DOCK4: variants seen among roughly 807,000 people sequenced by gnomAD.
DOCK4 encodes the protein dedicator of cytokinesis protein 4.
DOCK4 carries 97 observed loss-of-function variants against 268.1 expected under a neutral mutation model. The observed-to-expected ratio is 0.36, with a 90% CI of 0.31 to 0.43. The LOEUF is 0.43. Among genes scored for constraint, DOCK4 ranks in the 20% least tolerant of loss-of-function variants. DOCK4 has a pLI of 1.00. For synonymous variants in DOCK4, 954 were observed against 887.2 expected (o/e 1.08, Z -1.34); for missense variants, 2,145 against 2,455.7 (o/e 0.87, Z 2.67).
intron 1 of DOCK4, among the ~76,000 whole-genome samples, chr7:112,052,245 G>A (rs547159980): frequency 6.6e-6 from 1 of 152,068 alleles, no homozygotes; most frequent in African/African-American, 2.4e-5. Context: ...CCATGAATGT[G>A]GAACCAATGG....
At chr7:112,053,709 T>C (rs1403050838) in intron 1 of DOCK4, among the ~76,000 whole-genome samples, 3 of 152,162 alleles carry the variant, frequency 2.0e-5, no homozygotes, top group Non-Finnish European at 4.4e-5. Flanking sequence ...TACCAGACCT[T>C]TCAAAACCAG....
intron 1 of DOCK4, among the ~76,000 whole-genome samples, chr7:112,177,269 T>C (rs1399897331): frequency 6.6e-6 from 1 of 152,192 alleles, no homozygotes; most frequent in Non-Finnish European, 1.5e-5. Context: ...TGTGTGATCT[T>C]AGGCAAGTAA....
intron 5 of DOCK4, among the ~76,000 whole-genome samples, chr7:111,990,526 G>A (rs931991908): frequency 2.2e-4 from 33 of 152,168 alleles, no homozygotes; most frequent in African/African-American, 7.5e-4. Context: ...AAGTAGTGAC[G>A]TGTTATCTGC....
intron 51 of DOCK4, among the ~76,000 whole-genome samples, chr7:111,733,956 G>A (rs758835071): frequency 6.6e-6 from 1 of 152,140 alleles, no homozygotes; most frequent in Non-Finnish European, 1.5e-5. Context: ...ATTGTGTTTT[G>A]TGGCAAGGTC....
chr7:112,097,352 C>T (rs990471229), intron 1 of DOCK4, among the ~76,000 whole-genome samples: 1 of 152,024 alleles, frequency 6.6e-6, no homozygotes, highest in African/African-American at 2.4e-5. Context: ...GGTGGGAAGA[C>T]CACTTGAGCC....
intron 1 of DOCK4, among the ~76,000 whole-genome samples, chr7:112,005,825 C>T (rs1471801121): frequency 6.6e-6 from 1 of 152,172 alleles, no homozygotes; most frequent in Non-Finnish European, 1.5e-5. Context: ...CTCTCTTTTT[C>T]CTCATCACCT....
intron 1 of DOCK4, among the ~76,000 whole-genome samples, chr7:112,160,788 G>A (rs1817042302): frequency 6.6e-6 from 1 of 152,094 alleles, no homozygotes; most frequent in Admixed American, 6.6e-5. Context: ...ACTTGTACTT[G>A]GCTATAGCCT....
intron 26 of DOCK4, 97 bp downstream of exon 26, chr7:111,834,491 G>A (rs1803082650): frequency 4.3e-6 from 4 of 939,024 alleles, no homozygotes; most frequent in Non-Finnish European, 6.3e-6. Context: ...ATGGAAACAG[G>A]TAAAGCAATT....
chr7:111,905,395 T>C (rs149456961), intron 13 of DOCK4, among the ~76,000 whole-genome samples: 1 of 152,320 alleles, frequency 6.6e-6, no homozygotes, highest in Non-Finnish European at 1.5e-5. Context: ...GCCTGCTGGC[T>C]AGGGAGCCTT....
rs1234823829 is a variant in DOCK4 at position 111,893,162 on chromosome 7, C to T, written c.1587+2450G>A. 4.6e-5 allele frequency among the ~76,000 whole-genome samples: 7 copies of T among 152,156 alleles called. No individual in the cohort carries two copies. The South Asian group carries it at 6.2e-4, about 14-fold the overall frequency. On this transcript the variant is annotated intron_variant, in intron 16 of 52. Transcript: ENST00000428084. ...TTTTTGAGAAAAGTTTTGGCCCTGA[C>T]GACAGGCACCTGGACAGGACTCTGT...
intron 1 of DOCK4, among the ~76,000 whole-genome samples, chr7:112,136,800 GAA>G (rs1402459968): frequency 6.6e-6 from 1 of 152,134 alleles, no homozygotes; most frequent in East Asian, 1.9e-4. Flanking sequence ...TTTGAAAAAT[GAA>G]AAGAGAGAGA....
intron 13 of DOCK4, among the ~76,000 whole-genome samples, chr7:111,911,972 A>C (rs1411140805): frequency 6.6e-6 from 1 of 152,166 alleles, no homozygotes; most frequent in Non-Finnish European, 1.5e-5. Flanking sequence ...ACAGTTCTAT[A>C]AACAGTCATT....
At chr7:111,997,014 T>C (rs1800020749) in intron 4 of DOCK4, among the ~76,000 whole-genome samples, 1 of 152,178 alleles carries the variant, frequency 6.6e-6, no homozygotes, top group East Asian at 1.9e-4. Flanking sequence ...CAAAGAGGAC[T>C]GGTTGCACAG....
chr7:112,011,721 A>C (rs1801331347), intron 1 of DOCK4, among the ~76,000 whole-genome samples: 1 of 147,552 alleles, frequency 6.8e-6, no homozygotes, highest in African/African-American at 2.6e-5. Context: ...TCCTTTCCTA[A>C]GTGGCTACAA....
In DOCK4 at chr7:111,968,712, A is replaced by T. The variant is rs1180724421; in HGVS notation, c.701+8420T>A. ...TGACCCAGCCATCGCATTACTGGGT[A>T]TATACCCAAAGGACTATAAATCATG... is the stretch of plus-strand genomic sequence containing the variant. On this transcript the variant is annotated intron_variant, in intron 8 of 52. Coordinates refer to ENST00000428084, the MANE Select transcript of DOCK4 (RefSeq NM_001363540.2). 1.7e-4 allele frequency among the ~76,000 whole-genome samples: 21 copies of T among 122,376 alleles called. 6 individuals are homozygous for T. The highest frequency in any genetic ancestry group is 8.6e-4 in the African/African-American group (21 of 24,496). The allele number at this position is 122,376 out of a possible 152,430, so 80.3% of individuals were successfully genotyped here.
chr7:112,020,068 T>G (rs968268535), intron 1 of DOCK4, among the ~76,000 whole-genome samples: 9 of 152,214 alleles, frequency 5.9e-5, no homozygotes, highest in African/African-American at 1.9e-4. Flanking sequence ...GTGTGACAGA[T>G]ATATACAAGT....
intron 26 of DOCK4, among the ~76,000 whole-genome samples, chr7:111,833,729 C>G (rs1803025786): frequency 6.6e-6 from 1 of 152,038 alleles, no homozygotes; most frequent in Non-Finnish European, 1.5e-5. Flanking sequence ...CAGTTAAAGT[C>G]AAAGATAAGT....
At chr7:111,907,412 C>G (rs2134458530) in intron 13 of DOCK4, among the ~76,000 whole-genome samples, 1 of 152,294 alleles carries the variant, frequency 6.6e-6, no homozygotes, top group Middle Eastern at 3.4e-3. Flanking sequence ...CCATCCCACT[C>G]TGAGACAATG....
rs562735994 is a variant in DOCK4 at position 112,164,005 on chromosome 7, A to T, written c.37+42097T>A. ...AACACACACAGACCCTATCTTGGCC[A>T]GGCCCAGAGGCTCATGCGTATAATC... On this transcript the variant is annotated intron_variant, in intron 1 of 52. Coordinates refer to ENST00000428084, the MANE Select transcript of DOCK4 (RefSeq NM_001363540.2). 7.9e-5 allele frequency among the ~76,000 whole-genome samples: 12 copies of T among 152,278 alleles called. No homozygotes were observed. In the South Asian group the frequency reaches 2.3e-3, roughly 29 times the overall value.
Sources: gnomAD v4.1 joint callset for allele counts (sites outside exome capture counted in the v4.1 genomes callset) on GRCh38, gnomAD v4.1.1 for gene constraint, MANE v1.5 for transcripts, NCBI Gene and HGNC (gene_info 2026-07-23, HGNC 2026-07-21) for gene names.